Variants in PRKCB observed in about 807,000 individuals in gnomAD.
PRKCB encodes the protein protein kinase C beta, also known as protein kinase C beta type.
Under a neutral mutation model 81.5 loss-of-function variants are expected in PRKCB, and 13 were observed. The ratio of observed to expected loss-of-function variants is 0.16; its 90% CI spans 0.10 to 0.25. The LOEUF is 0.25. Among genes scored for constraint, PRKCB ranks in the 10% least tolerant of loss-of-function variants. The pLI is 1.00. For missense variants in PRKCB, 509 were observed against 875.7 expected (o/e 0.58, Z 5.29); for synonymous variants, 335 against 321.4 (o/e 1.04, Z -0.45).
intron 13 of PRKCB, among the ~76,000 whole-genome samples, chr16:24,182,309 A>G (rs1467588079): frequency 6.6e-6 from 1 of 152,124 alleles, no homozygotes; most frequent in Non-Finnish European, 1.5e-5. Context: ...GCTTGAGGGT[A>G]GAAGTTTGAG....
intron 7 of PRKCB, among the ~76,000 whole-genome samples, chr16:24,110,637 C>G (rs1352163910): frequency 6.6e-6 from 1 of 151,556 alleles, no homozygotes; most frequent in African/African-American, 2.4e-5. Context: ...CTACCTCAGC[C>G]GCTCAAGTAG....
At chr16:24,112,149 G>A (rs1966683244) in intron 7 of PRKCB, among the ~76,000 whole-genome samples, 1 of 152,218 alleles carries the variant, frequency 6.6e-6, no homozygotes, top group African/African-American at 2.4e-5. Flanking sequence ...ATGAAGTCAA[G>A]TCCATGGTCA....
Position 23,912,812 on chromosome 16 carries a change from C to CTTTA in PRKCB, c.205+75430_205+75433dup, listed in dbSNP as rs778837740. Among the ~76,000 whole-genome samples, 651 of 66,648 alleles carry CTTTA rather than the reference C, an allele frequency of 9.8e-3. 1 individual carries two copies. Among genetic ancestry groups the CTTTA allele is most frequent in the Middle Eastern group, 0.049 (4 of 82 alleles). The allele number at this position is 66,648 out of a possible 152,430, so 43.7% of individuals were successfully genotyped here. A position where few individuals can be genotyped will look rare whatever the true frequency, so the allele number is the denominator to read the frequency against. Reference sequence around the variant, plus strand: ...ACAGGTGTGAGCCACCGTGCCTGGCCTTTATTTATTTATTTATTTATTTAT... The same window carrying CTTTA: ...ACAGGTGTGAGCCACCGTGCCTGGCCTTTATTTATTTATTTATTTATTTATTTAT... On this transcript the variant is annotated intron_variant, in intron 2 of 16. Coordinates refer to ENST00000643927, the MANE Select transcript of PRKCB (RefSeq NM_002738.7).
chr16:24,158,349 G>T (rs985858840), intron 10 of PRKCB, among the ~76,000 whole-genome samples: 23 of 152,026 alleles, frequency 1.5e-4, no homozygotes, highest in African/African-American at 5.6e-4. Context: ...GAGGCACAAG[G>T]CAAACAATTT....
At chr16:24,022,530 T>G (rs1033050728) in intron 3 of PRKCB, among the ~76,000 whole-genome samples, 3 of 152,104 alleles carry the variant, frequency 2.0e-5, no homozygotes, top group East Asian at 1.9e-4. Context: ...CTCGCTCTGT[T>G]GCCCAGGCTG....
chr16:24,049,327 TACCCTGGCACATCCGGGACCTGCACCTTA>T lies in PRKCB; in HGVS notation c.529+13784_529+13812del, dbSNP rs1567356781. Among the ~76,000 whole-genome samples, 512 of 150,516 alleles carry T rather than the reference TACCCTGGCACATCCGGGACCTGCACCTTA, an allele frequency of 3.4e-3. 4 individuals carry two copies. Among genetic ancestry groups the T allele is most frequent in the African/African-American group, 0.012 (499 of 40,878 alleles). ...ATCCGGGACCTGCACCCTTAACCAC[TACCCTGGCACATCCGGGACCTGCACCTTA>T]ACCACTACCCTGGCACACCCGGGAC... On this transcript the variant is annotated intron_variant, in intron 5 of 16. Transcript: ENST00000643927.
intron 9 of PRKCB, among the ~76,000 whole-genome samples, chr16:24,133,793 CAAG>C (rs1966857147): frequency 6.6e-6 from 1 of 152,136 alleles, no homozygotes; most frequent in Non-Finnish European, 1.5e-5. Context: ...GTGACTTCTC[CAAG>C]AAGGAGGCGG....
At chr16:24,153,804 G>A (rs1967113058) in intron 9 of PRKCB, among the ~76,000 whole-genome samples, 2 of 152,210 alleles carry the variant, frequency 1.3e-5, no homozygotes, top group South Asian at 4.1e-4. Flanking sequence ...AATCATCTCT[G>A]TAATTAATTT....
intron 2 of PRKCB, among the ~76,000 whole-genome samples, chr16:23,920,912 T>G (rs576949070): frequency 3.5e-4 from 54 of 152,314 alleles, no homozygotes; most frequent in East Asian, 1.3e-3. Flanking sequence ...AGAGGTTTAA[T>G]GGACTCACAG....
intron 2 of PRKCB, among the ~76,000 whole-genome samples, chr16:23,966,974 C>T (rs1027270612): frequency 8.6e-5 from 13 of 151,858 alleles, no homozygotes; most frequent in Admixed American, 3.3e-4. Flanking sequence ...TTGTAAAAAC[C>T]GTGAACTCTC....
intron 7 of PRKCB, among the ~76,000 whole-genome samples, chr16:24,100,598 G>A (rs549652519): frequency 3.9e-5 from 6 of 152,160 alleles, no homozygotes; most frequent in Non-Finnish European, 7.3e-5. Flanking sequence ...CGTTCCAGCC[G>A]AGGAGGAGGG....
chr16:24,211,557 CTTTT>C (rs34318557), intron 16 of PRKCB, among the ~76,000 whole-genome samples: 2 of 130,440 alleles, frequency 1.5e-5, no homozygotes, highest in Non-Finnish European at 1.6e-5. Context: ...TACAGACTCA[CTTTT>C]TTTTTTTTTT....
chr16:24,009,732 G>T (rs1339642928), intron 3 of PRKCB, among the ~76,000 whole-genome samples: 7 of 152,016 alleles, frequency 4.6e-5, no homozygotes, highest in Non-Finnish European at 1.0e-4. Context: ...AACAAAACTA[G>T]GCTGGGCCCG....
Position 24,046,626 on chromosome 16 carries a change from G to C in PRKCB, c.529+11079G>C, listed in dbSNP as rs1050656712. ...GGAGCGGCAGAGGCAGAGGCCAGAG[G>C]GAAGAGTGAAGCAGCAGGCTTGTGA... is the stretch of plus-strand genomic sequence containing the variant. On this transcript the variant is annotated intron_variant, in intron 5 of 16. Transcript: ENST00000643927. Among the ~76,000 whole-genome samples the C allele has an allele frequency of 2.6e-5, 4 of 152,092 alleles. No homozygotes were observed. The East Asian group carries it at 5.8e-4, about 22-fold the overall frequency.
chr16:24,194,116 CAGG>C (rs1967841562), intron 16 of PRKCB, among the ~76,000 whole-genome samples: 1 of 152,094 alleles, frequency 6.6e-6, no homozygotes, highest in African/African-American at 2.4e-5. Context: ...CACCTGAGGT[CAGG>C]AGTTCGAGAC....
Position 24,096,663 on chromosome 16 carries a change from AAAAATATAT to A in PRKCB, c.821+2368_821+2376del, listed in dbSNP as rs1335664940. The stretch of plus-strand genomic sequence containing the variant: ...CTCCCTTCCTATGGCAAAAAAAAAA[AAAAATATAT>A]ATATATATATATATATATATATATA... On this transcript the variant is annotated intron_variant, in intron 7 of 16. Coordinates refer to ENST00000643927, the MANE Select transcript of PRKCB (RefSeq NM_002738.7). 1.0e-3 allele frequency among the ~76,000 whole-genome samples: 51 copies of A among 49,614 alleles called. 1 individual carries two copies. The highest frequency in any genetic ancestry group is 2.2e-3 in the South Asian group (3 of 1,390). The allele number at this position is 49,614 out of a possible 152,430, so 32.5% of individuals were successfully genotyped here. A position where few individuals can be genotyped will look rare whatever the true frequency, so the allele number is the denominator to read the frequency against.
intron 5 of PRKCB, among the ~76,000 whole-genome samples, chr16:24,060,114 T>A (rs550473644): frequency 6.6e-6 from 1 of 152,232 alleles, no homozygotes; most frequent in African/African-American, 2.4e-5. Context: ...TGCCTGGGAA[T>A]AGGGATAGGA....
At chr16:23,925,318 C>T (rs1424834347) in intron 2 of PRKCB, among the ~76,000 whole-genome samples, 3 of 152,128 alleles carry the variant, frequency 2.0e-5, no homozygotes, top group Non-Finnish European at 2.9e-5. Context: ...GATCACTCCT[C>T]TCTCCCTTTT....
chr16:24,035,512 A>G lies in PRKCB; in HGVS notation c.494A>G (p.Gln165Arg), dbSNP rs1209574685. The G allele has an allele frequency of 6.2e-6, 10 of 1,614,062 alleles. No homozygotes were observed. The highest frequency in any genetic ancestry group is 7.6e-6 in the Non-Finnish European group (9 of 1,179,994). The stretch of plus-strand genomic sequence containing the variant: ...GAGCGCCGCGGCCGCATCTACATCC[A>G]GGCCCACATCGACAGGGACGTCCTC... ...HTERRGRIYIQAHIDRDVLIV... is the reference protein window; with the variant it reads ...HTERRGRIYIRAHIDRDVLIV... Residue 165 changes from glutamine (Q) to arginine (R), a missense_variant, in exon 5 of 17, where the codon CAG (glutamine) becomes CGG (arginine). Gln to Arg is a conservative substitution (Grantham distance 43, BLOSUM62 1). Coordinates refer to ENST00000643927, the MANE Select transcript of PRKCB (RefSeq NM_002738.7).
Sources: gnomAD v4.1 joint callset for allele counts (sites outside exome capture counted in the v4.1 genomes callset) on GRCh38, gnomAD v4.1.1 for gene constraint, MANE v1.5 for transcripts, NCBI Gene and HGNC (gene_info 2026-07-23, HGNC 2026-07-21) for gene names.